The following ZSWIM2 variants were observed in gnomAD, a reference collection of about 807,000 sequenced individuals.
The protein encoded by ZSWIM2 is E3 ubiquitin-protein ligase ZSWIM2.
Under a neutral mutation model 48.4 loss-of-function variants are expected in ZSWIM2, and 38 were observed. The ratio of observed to expected loss-of-function variants is 0.79; its 90% CI spans 0.61 to 1.03. The LOEUF (loss-of-function observed/expected upper bound fraction) is 1.03. ZSWIM2 is among the 50% of genes least tolerant of loss of function. The pLI, the probability that ZSWIM2 is intolerant of heterozygous loss-of-function variation, is 0.00. For missense variants in ZSWIM2, 776 were observed against 730.2 expected (o/e 1.06, Z -0.72); for synonymous variants, 240 against 251.3 (o/e 0.96, Z 0.42).
At chr2:186,841,423 A>G (rs1691900788) in intron 3 of ZSWIM2, among the ~76,000 whole-genome samples, 1 of 151,428 alleles carries the variant, frequency 6.6e-6, no homozygotes, top group Non-Finnish European at 1.5e-5. Context: ...TAAAACTTAA[A>G]GAAATTGACA....
At position 186,827,916 on chromosome 2, in the gene ZSWIM2, C is replaced by CT. The variant is rs1691624348; in HGVS notation, c.*67dup. On this transcript the variant is annotated 3_prime_UTR_variant, in exon 9 of 9. Coordinates refer to ENST00000295131, the MANE Select transcript of ZSWIM2 (RefSeq NM_182521.3). ...TATACATTTGTCAAGACTATGTGTG[C>CT]TTTTTATGTTCTATATAAAACATTT... 7.7e-7 allele frequency: 1 copy of CT among 1,306,710 alleles called. No individual in the cohort carries two copies. 80.9% of individuals were successfully genotyped at this position (1,306,710 alleles called of 1,614,324 possible). A position where few individuals can be genotyped will look rare whatever the true frequency, so the allele number is the denominator to read the frequency against.
chr2:186,842,042 A>G lies in ZSWIM2; in HGVS notation c.283+2675T>C, dbSNP rs759448265. Among the ~76,000 whole-genome samples the G allele has an allele frequency of 7.1e-4, 108 of 151,288 alleles. 1 individual carries two copies. The highest frequency in any genetic ancestry group is 1.2e-3 in the Non-Finnish European group (78 of 67,294). On this transcript the variant is annotated intron_variant, in intron 3 of 8. Transcript: ENST00000295131. ...TAACATTTTTCATAATAATATTCCC[A>G]TATAATCATTTTTGTCGGTCTTTGA...
Position 186,837,565 on chromosome 2 carries a change from T to G in ZSWIM2, c.495-11A>C. 1 of 1,601,218 alleles carries G rather than the reference T, an allele frequency of 6.2e-7. No individual in the cohort carries two copies. On this transcript the variant is annotated splice_polypyrimidine_tract_variant and intron_variant, in intron 4 of 8. Coordinates refer to ENST00000295131, the MANE Select transcript of ZSWIM2 (RefSeq NM_182521.3). ...TTGCCACAGCCAAACCTATGAGAGA[T>G]AAAATTGAAGTTTACCATTTGTATA...
intron 3 of ZSWIM2, among the ~76,000 whole-genome samples, chr2:186,842,346 G>A (rs960860542): frequency 4.6e-5 from 7 of 150,908 alleles, no homozygotes; most frequent in Admixed American, 6.6e-5. Context: ...GTATTACATT[G>A]TACACATGGG....
intron 3 of ZSWIM2, among the ~76,000 whole-genome samples, chr2:186,842,272 TAG>T (rs1559115527): frequency 6.6e-6 from 1 of 151,382 alleles, no homozygotes; most frequent in Non-Finnish European, 1.5e-5. Context: ...ATGTTTATTC[TAG>T]CTTTAATTTA....
intron 2 of ZSWIM2, 25 bp downstream of exon 2, chr2:186,847,694 G>C (rs1431377621): frequency 2.6e-6 from 4 of 1,538,762 alleles, no homozygotes; most frequent in Non-Finnish European, 3.6e-6. Flanking sequence ...CTTCATGGAA[G>C]ATCTTCATTT....
In ZSWIM2 at chr2:186,828,684, T is replaced by G; in HGVS notation, c.1202A>C (p.Asn401Thr). Residue 401 changes from asparagine to threonine, a missense_variant, in exon 9 of 9, where the codon AAT (asparagine) becomes ACT (threonine). By Grantham distance (65) the Asn-to-Thr change is moderately conservative. Coordinates refer to ENST00000295131, the MANE Select transcript of ZSWIM2 (RefSeq NM_182521.3). ...NPLTWKNSAV[N>T]GQAHQSVSNR... Reference sequence around the variant, plus strand: ...TGAAACAGACTGATGTGCTTGTCCATTCACTGCTGAATTTTTCCAAGTTAA... The same window carrying G: ...TGAAACAGACTGATGTGCTTGTCCAGTCACTGCTGAATTTTTCCAAGTTAA... 1 of 1,613,222 alleles carries G rather than the reference T, an allele frequency of 6.2e-7. No individual in the cohort carries two copies. Among genetic ancestry groups the G allele is most frequent in the Non-Finnish European group, 8.5e-7 (1 of 1,179,602 alleles).
intron 5 of ZSWIM2, among the ~76,000 whole-genome samples, chr2:186,837,010 A>C (rs890573037): frequency 5.3e-5 from 8 of 152,090 alleles, no homozygotes; most frequent in African/African-American, 1.9e-4. Context: ...ATGTAGGCTA[A>C]AGCCACCTAT....
intron 2 of ZSWIM2, 41 bp downstream of exon 2, chr2:186,847,678 A>C (rs757199410): frequency 1.4e-6 from 2 of 1,463,758 alleles, no homozygotes; most frequent in Non-Finnish European, 1.9e-6. Flanking sequence ...ACACACCAAG[A>C]TGTTCCTTCA....
chr2:186,837,822 T>A, intron 4 of ZSWIM2, among the ~76,000 whole-genome samples: 1 of 150,892 alleles, frequency 6.6e-6, no homozygotes, highest in East Asian at 1.9e-4. Flanking sequence ...GTGAAAGATT[T>A]TGCATCATTA....
Position 186,849,099 on chromosome 2 carries a change from C to T in ZSWIM2, c.32G>A (p.Arg11Lys), listed in dbSNP as rs1421994950. Residue 11 changes from arginine (R) to lysine (K), a missense_variant, in exon 1 of 9, where the codon AGG (arginine) becomes AAG (lysine). Physicochemically the swap from Arg to Lys is conservative, Grantham distance 26. Coordinates refer to ENST00000295131, the MANE Select transcript of ZSWIM2 (RefSeq NM_182521.3). ...GAGCCTCTCGCTCAAGTGTCTTCGC[C>T]TTTCAGAGGCCTTATAGCCTCGGCG... MLRRGYKASE[R>K]RRHLSERLSW... is the part of the protein sequence containing the mutation. 1.9e-6 allele frequency: 3 copies of T among 1,613,938 alleles called. No homozygotes were observed. Among genetic ancestry groups the T allele is most frequent in the Admixed American group, 3.3e-5 (2 of 60,024 alleles).
chr2:186,845,091 C>G (rs1691972683), intron 2 of ZSWIM2, among the ~76,000 whole-genome samples: 1 of 151,384 alleles, frequency 6.6e-6, no homozygotes, highest in Non-Finnish European at 1.5e-5. Flanking sequence ...TGCCTTTAAA[C>G]TTCTCTGGAA....
At position 186,828,426 on chromosome 2, in the gene ZSWIM2, T is replaced by C. The variant is rs1482083695; in HGVS notation, c.1460A>G (p.Tyr487Cys). ...NSNSKKLTYD[Y>C]KISQHFPRYL... ...CCTGGGAAAATGTTGGCTAATTTTATAATCATAGGTTAATTTTTTTGAATT... is the reference window on the plus strand; with the variant it reads ...CCTGGGAAAATGTTGGCTAATTTTACAATCATAGGTTAATTTTTTTGAATT... Residue 487 changes from tyrosine (Y) to cysteine (C), a missense_variant, in exon 9 of 9, where the codon TAT (tyrosine) becomes TGT (cysteine). Coordinates refer to ENST00000295131, the MANE Select transcript of ZSWIM2 (RefSeq NM_182521.3). 4 of 1,613,450 alleles carry C rather than the reference T, an allele frequency of 2.5e-6. No homozygotes were observed. Among genetic ancestry groups the C allele is most frequent in the South Asian group, 1.1e-5 (1 of 91,054 alleles).
rs144191587 is a variant in ZSWIM2 at position 186,847,343 on chromosome 2, C to T, written c.242+376G>A. Among the ~76,000 whole-genome samples, 1,106 of 152,040 alleles carry T rather than the reference C, an allele frequency of 7.3e-3. 17 individuals carry two copies. The highest frequency in any genetic ancestry group is 0.025 in the African/African-American group (1,037 of 41,480). The stretch of plus-strand genomic sequence containing the variant: ...ATGGAACATTTGATATTCAAGAAAA[C>T]GTGATTTTGGAAACACAATTTGTGG... On this transcript the variant is annotated intron_variant, in intron 2 of 8. Coordinates refer to ENST00000295131, the MANE Select transcript of ZSWIM2 (RefSeq NM_182521.3).
At position 186,849,032 on chromosome 2, in the gene ZSWIM2, G is replaced by C. The variant is rs771887155; in HGVS notation, c.99C>G (p.Leu33=). ...QDQALSSSIY[L]LREMGPTGFL... Reference sequence around the variant, plus strand: ...AGCCAGTGGGGCCCATCTCTCGTAGGAGGTAGATGCTGCTACTCAGCGCCT... The same window carrying C: ...AGCCAGTGGGGCCCATCTCTCGTAGCAGGTAGATGCTGCTACTCAGCGCCT... The change falls in exon 1 of 9, where the codon CTC becomes CTG. Residue 33 remains leucine (L), a synonymous_variant. Transcript: ENST00000295131. The C allele has an allele frequency of 1.2e-6, 2 of 1,614,096 alleles. No homozygotes were observed. The highest frequency in any genetic ancestry group is 8.5e-7 in the Non-Finnish European group (1 of 1,180,034).
chr2:186,840,275 G>C (rs1405147182), intron 3 of ZSWIM2, among the ~76,000 whole-genome samples: 1 of 151,606 alleles, frequency 6.6e-6, no homozygotes. Context: ...GGGGAATAAA[G>C]ATGCACTGGG....
rs750005195 is a variant in ZSWIM2 at position 186,837,480 on chromosome 2, G to T, written c.569C>A (p.Ser190Tyr). 2 of 1,612,388 alleles carry T rather than the reference G, an allele frequency of 1.2e-6. No individual in the cohort carries two copies. The highest frequency in any genetic ancestry group is 1.7e-5 in the Admixed American group (1 of 59,820). Reference protein sequence around the residue: ...LANYQSTSNTSMLKCPLCRKE... With the variant: ...LANYQSTSNTYMLKCPLCRKE... ...CCTGCACAGAGGACATTTCAACATG[G>T]AAGTGTTTGATGTACTCTGATAATT... The change falls in exon 5 of 9, where the codon TCC (serine) becomes TAC (tyrosine). Residue 190 changes from serine to tyrosine, a missense_variant. Physicochemically the swap from Ser to Tyr is moderately radical, Grantham distance 144. Coordinates refer to ENST00000295131, the MANE Select transcript of ZSWIM2 (RefSeq NM_182521.3).
rs1200502980 is a variant in ZSWIM2, at chr2:186,828,392, T to C, written c.1494A>G (p.Gln498=). ...TCCCAAATGACACAGTGGGTAAATC[T>C]TGAAGATACCTGGGAAAATGTTGGC... The part of the protein sequence containing the change: ...KISQHFPRYL[Q]DLPTVSFGKI... Residue 498 remains glutamine, a synonymous_variant, in exon 9 of 9, where the codon CAA becomes CAG. Transcript: ENST00000295131. The C allele has an allele frequency of 6.2e-7, 1 of 1,613,596 alleles. No homozygotes were observed. The highest frequency in any genetic ancestry group is 1.3e-5 in the African/African-American group (1 of 74,886).
rs377557406 is a variant in ZSWIM2, at chr2:186,832,630, C to A, written c.941+490G>T. 6.6e-5 allele frequency among the ~76,000 whole-genome samples: 10 copies of A among 152,052 alleles called. No individual in the cohort carries two copies. In the East Asian group the frequency reaches 1.2e-3, roughly 18 times the overall value. On this transcript the variant is annotated intron_variant, in intron 7 of 8. Coordinates refer to ENST00000295131, the MANE Select transcript of ZSWIM2 (RefSeq NM_182521.3). ...TATTTCAAATGCAAATTTCAAATATCTTTGAATCTGTTTTTTATTTAAACA... is the reference window on the plus strand; with the variant it reads ...TATTTCAAATGCAAATTTCAAATATATTTGAATCTGTTTTTTATTTAAACA...
Sources: gnomAD v4.1 joint callset for allele counts (sites outside exome capture counted in the v4.1 genomes callset) on GRCh38, gnomAD v4.1.1 for gene constraint, MANE v1.5 for transcripts, NCBI Gene and HGNC (gene_info 2026-07-23, HGNC 2026-07-21) for gene names.